The following ZCCHC8 variants were observed in gnomAD, a reference collection of about 807,000 sequenced individuals.
ZCCHC8 encodes the protein zinc finger CCHC domain-containing protein 8.
In ZCCHC8, 27 loss-of-function variants were observed where a neutral mutation model predicts 70.6. That is an observed-to-expected ratio of 0.38 (90% CI 0.28 to 0.53). The LOEUF (loss-of-function observed/expected upper bound fraction) is 0.53, where lower values mean the gene tolerates loss of function less well. Ranked by LOEUF, ZCCHC8 falls within the 20% of genes least tolerant of loss-of-function variation. ZCCHC8 has a pLI of 0.81. For missense variants in ZCCHC8, 737 were observed against 876.9 expected (o/e 0.84, Z 2.01); for synonymous variants, 293 against 317.4 (o/e 0.92, Z 0.82).
In ZCCHC8 at chr12:122,474,175, G is replaced by A. The variant is rs74736991; in HGVS notation, c.1446C>T (p.Pro482=). Residue 482 remains proline, a synonymous_variant, in exon 14 of 14, where the codon CCC becomes CCT. Transcript: ENST00000633063. The part of the protein sequence containing the change: ...TPPLPRGTPP[P]VFTPPLPKGT... ...CCTTTGGGAGTGGAGGGGTGAAGACGGGTGGAGGAGTTCCCCGGGGGAGTG... is the reference window on the plus strand; with the variant it reads ...CCTTTGGGAGTGGAGGGGTGAAGACAGGTGGAGGAGTTCCCCGGGGGAGTG... 3.5e-4 allele frequency: 524 copies of A among 1,514,372 alleles called. 4 individuals are homozygous for A. The African/African-American group carries it at 6.6e-3, about 19-fold the overall frequency. 93.8% of individuals were successfully genotyped at this position (1,514,372 alleles called of 1,614,324 possible). A position where few individuals can be genotyped will look rare whatever the true frequency, so the allele number is the denominator to read the frequency against.
rs1339717400 is a variant in ZCCHC8 at position 122,473,465 on chromosome 12, T to C, written c.*32A>G. 2 of 1,597,206 alleles carry C rather than the reference T, an allele frequency of 1.3e-6. No individual in the cohort carries two copies. Among genetic ancestry groups the C allele is most frequent in the African/African-American group, 1.4e-5 (1 of 74,002 alleles). ...TTAGTACTAATTAACGGAACAAAGT[T>C]ATTAAATAGCTCTCAGTGCTAAGTC... On this transcript the variant is annotated 3_prime_UTR_variant, in exon 14 of 14. Coordinates refer to ENST00000633063, the MANE Select transcript of ZCCHC8 (RefSeq NM_017612.5).
In ZCCHC8 at chr12:122,483,534, A is replaced by T. The variant is rs1255517667; in HGVS notation, c.531T>A (p.Asn177Lys). Residue 177 changes from asparagine (N) to lysine (K), a missense_variant, in exon 6 of 14, where the codon AAT (asparagine) becomes AAA (lysine). Asn to Lys is a moderately conservative substitution (Grantham distance 94). Transcript: ENST00000633063. The surrounding 1 kb of genome is among the most constrained non-coding windows in gnomAD (Gnocchi z 4.4). ...SVVGSVLYFT[N>K]FCLDKLGQPL... ...GTTGCCCCAATTTATCAAGGCAAAA[A>T]TTAGTAAAATACAGGACACTTCCTA... 6.3e-7 allele frequency: 1 copy of T among 1,589,004 alleles called. No individual in the cohort carries two copies.
intron 2 of ZCCHC8, 67 bp downstream of exon 2, chr12:122,498,760 T>C: frequency 6.8e-7 from 1 of 1,476,930 alleles, no homozygotes; most frequent in Non-Finnish European, 9.4e-7. Context: ...AACGAAATTC[T>C]GATTAAATAT....
chr12:122,494,324 C>G (rs181040173), intron 2 of ZCCHC8, among the ~76,000 whole-genome samples: 1 of 151,544 alleles, frequency 6.6e-6, no homozygotes, highest in Non-Finnish European at 1.5e-5. Context: ...GAGGCAGAGG[C>G]GGGTGGATCA....
At chr12:122,496,175 T>TAAAA (rs11379513) in intron 2 of ZCCHC8, among the ~76,000 whole-genome samples, 1 of 150,624 alleles carries the variant, frequency 6.6e-6, no homozygotes. Flanking sequence ...TCAAAAAATT[T>TAAAA]AAAAAAAAAC....
intron 3 of ZCCHC8, 69 bp downstream of exon 3, chr12:122,492,646 A>C (rs768563254): frequency 1.0e-5 from 10 of 988,956 alleles, no homozygotes; most frequent in African/African-American, 1.7e-5. Flanking sequence ...AAATGAAAAC[A>C]GCATATTTAT....
chr12:122,476,954 G>A (rs942374442), intron 13 of ZCCHC8, among the ~76,000 whole-genome samples: 3 of 148,928 alleles, frequency 2.0e-5, no homozygotes, highest in Non-Finnish European at 4.5e-5. Context: ...CCTGAGAGGC[G>A]GAGGTTGCAG....
rs1046379277 is a variant in ZCCHC8, at chr12:122,472,010, T to C, written c.*1487A>G. On this transcript the variant is annotated 3_prime_UTR_variant, in exon 14 of 14. Transcript: ENST00000633063. ...CAGTATGTTTATGTTTAATTTTTAA[T>C]TTTTAACTATTAGGGTTCAAATCTA... The C allele has an allele frequency of 6.6e-6, 1 of 152,178 alleles. No individual in the cohort carries two copies. The highest frequency in any genetic ancestry group is 1.5e-5 in the Non-Finnish European group (1 of 68,038). The allele number at this position is 152,178 out of a possible 1,614,324, so 9.4% of individuals were successfully genotyped here.
intron 5 of ZCCHC8, among the ~76,000 whole-genome samples, chr12:122,486,400 G>A (rs117433475): frequency 0.045 from 5,530 of 124,252 alleles, 161 homozygotes; most frequent in Middle Eastern, 0.074. Context: ...GTGACAGAGC[G>A]AGAGGCTGTC....
intron 2 of ZCCHC8, among the ~76,000 whole-genome samples, chr12:122,494,351 A>G (rs1264562956): frequency 1.3e-5 from 2 of 151,640 alleles, no homozygotes; most frequent in African/African-American, 2.4e-5. Context: ...CAGGAGTTCG[A>G]GACCAGCCTG....
At chr12:122,480,473 C>CTTTTT in intron 10 of ZCCHC8, 162 bp from the exon 11 acceptor site, 5 of 331,946 alleles carry the variant, frequency 1.5e-5, no homozygotes, top group East Asian at 5.5e-5. Flanking sequence ...TAGGACAGAA[C>CTTTTT]TTTTTTTTTT....
chr12:122,499,764 C>A (rs980308053), intron 1 of ZCCHC8: 2 of 152,500 alleles, frequency 1.3e-5, no homozygotes, highest in African/African-American at 4.8e-5. Context: ...ATCGCTTGAA[C>A]CCGGGAGGCG....
chr12:122,495,183 T>C (rs1957807705), intron 2 of ZCCHC8, among the ~76,000 whole-genome samples: 1 of 152,186 alleles, frequency 6.6e-6, no homozygotes, highest in East Asian at 1.9e-4. Flanking sequence ...ATTTTTTGTA[T>C]ATTTTCACAA....
intron 2 of ZCCHC8, among the ~76,000 whole-genome samples, chr12:122,497,914 C>A (rs1206161940): frequency 6.6e-6 from 1 of 151,724 alleles, no homozygotes; most frequent in Non-Finnish European, 1.5e-5. Flanking sequence ...GAGGCTGAGG[C>A]GGGAGGATCA....
chr12:122,497,467 G>A (rs770844608), intron 2 of ZCCHC8, among the ~76,000 whole-genome samples: 7 of 151,832 alleles, frequency 4.6e-5, no homozygotes, highest in Non-Finnish European at 7.4e-5. Context: ...GCTTGAACCC[G>A]GGAGGTGAAG....
intron 3 of ZCCHC8, 128 bp from the exon 4 acceptor site, chr12:122,490,695 ACT>A: frequency 3.9e-6 from 2 of 510,614 alleles, no homozygotes; most frequent in South Asian, 3.0e-5. Flanking sequence ...TAAATCACTG[ACT>A]CTGTAATACT....
rs1211203388 is a variant in ZCCHC8, at chr12:122,478,186, C to T, written c.1227+20G>A. 6 of 1,546,578 alleles carry T rather than the reference C, an allele frequency of 3.9e-6. No homozygotes were observed. Among genetic ancestry groups the T allele is most frequent in the Non-Finnish European group, 8.8e-7 (1 of 1,132,576 alleles). ...AGACACAACAACATTTTATAGAGCA[C>T]ACCCTTAAAATCTATTTACCGCTTG... On this transcript the variant is annotated intron_variant, in intron 12 of 13. Transcript: ENST00000633063.
intron 11 of ZCCHC8, among the ~76,000 whole-genome samples, chr12:122,479,241 A>G (rs1325161072): frequency 6.6e-6 from 1 of 152,130 alleles, no homozygotes; most frequent in Non-Finnish European, 1.5e-5. Flanking sequence ...ACGCTCAGCT[A>G]ATTTTTATAT....
At chr12:122,498,668 A>C (rs533762642) in intron 2 of ZCCHC8, among the ~76,000 whole-genome samples, 159 bp downstream of exon 2, 2 of 152,328 alleles carry the variant, frequency 1.3e-5, no homozygotes, top group South Asian at 2.1e-4. Context: ...CCTTATCCCC[A>C]CAATTAAATA....
Sources: allele counts gnomAD v4.1 joint callset (sites outside exome capture counted in the v4.1 genomes callset), GRCh38; gene constraint gnomAD v4.1.1; non-coding constraint Gnocchi (gnomAD v3.1); transcripts MANE v1.5; gene names NCBI Gene and HGNC (gene_info 2026-07-23, HGNC 2026-07-21).